ZNF431: variants seen among roughly 807,000 people sequenced by gnomAD.
ZNF431 encodes the protein zinc finger protein 431.
A neutral mutation model predicts 57.0 loss-of-function variants in ZNF431; 34 were observed. The observed-to-expected ratio is 0.60, with a 90% CI of 0.45 to 0.79. The LOEUF (loss-of-function observed/expected upper bound fraction) is 0.79. Among genes scored for constraint, ZNF431 ranks in the 30% least tolerant of loss-of-function variants. The probability of loss-of-function intolerance (pLI) is 0.00; values close to 1 mark genes in which losing one functional copy is unlikely to be tolerated. For synonymous variants in ZNF431, 207 were observed against 220.3 expected (o/e 0.94, Z 0.54); for missense variants, 607 against 667.1 (o/e 0.91, Z 0.99).
At chr19:21,178,913 T>TTTTC (rs1266911898) in intron 4 of ZNF431, among the ~76,000 whole-genome samples, 1 of 152,052 alleles carries the variant, frequency 6.6e-6, no homozygotes, top group African/African-American at 2.4e-5. Flanking sequence ...AGGCCCCTCC[T>TTTTC]TTTCCATCAT....
At chr19:21,172,402 TG>T (rs1970925986) in intron 4 of ZNF431, among the ~76,000 whole-genome samples, 1 of 143,358 alleles carries the variant, frequency 7.0e-6, no homozygotes. Flanking sequence ...CACTCCAGCC[TG>T]GGTGAGAGAG....
intron 4 of ZNF431, among the ~76,000 whole-genome samples, chr19:21,170,710 G>A (rs1970863434): frequency 6.8e-6 from 1 of 147,476 alleles, no homozygotes; most frequent in Non-Finnish European, 1.5e-5. Context: ...GTGTCAATCT[G>A]TCACCCAGGC....
At chr19:21,153,072 C>T (rs1970319656) in intron 2 of ZNF431, among the ~76,000 whole-genome samples, 1 of 152,100 alleles carries the variant, frequency 6.6e-6, no homozygotes, top group Non-Finnish European at 1.5e-5. Flanking sequence ...AATATTTATG[C>T]CTCTCCTTTT....
intron 2 of ZNF431, among the ~76,000 whole-genome samples, chr19:21,146,068 G>T (rs1970084175): frequency 6.6e-6 from 1 of 152,138 alleles, no homozygotes; most frequent in African/African-American, 2.4e-5. Context: ...ATAAGAAAAT[G>T]TGCAGAGTTC....
rs1260546569 is a variant in ZNF431, at chr19:21,186,433, T to G, written c.*2399T>G. 1 of 152,240 alleles carries G rather than the reference T, an allele frequency of 6.6e-6. No homozygotes were observed. The highest frequency in any genetic ancestry group is 1.5e-5 in the Non-Finnish European group (1 of 68,042). The allele number at this position is 152,240 out of a possible 1,614,324, so 9.4% of individuals were successfully genotyped here. ...ACAAATCTTAGGTGTAAGAAAATTA[T>G]GGAGTTAAGTATGTGTGTGTGAGTA... is the stretch of plus-strand genomic sequence containing the variant. On this transcript the variant is annotated 3_prime_UTR_variant, in exon 5 of 5. Transcript: ENST00000311048.
intron 2 of ZNF431, among the ~76,000 whole-genome samples, chr19:21,148,074 G>A (rs1204018621): frequency 6.6e-6 from 1 of 151,676 alleles, no homozygotes; most frequent in Non-Finnish European, 1.5e-5. Context: ...CAGCTCACTG[G>A]AACCTCTGCC....
chr19:21,171,128 A>T (rs1164382599), intron 4 of ZNF431, among the ~76,000 whole-genome samples: 1 of 152,208 alleles, frequency 6.6e-6, no homozygotes, highest in Non-Finnish European at 1.5e-5. Flanking sequence ...CATATATTTA[A>T]AACGTAAAAT....
At position 21,161,854 on chromosome 19, in the gene ZNF431, A is replaced by G. The variant is rs577616960; in HGVS notation, c.97-4481A>G. 5.3e-5 allele frequency among the ~76,000 whole-genome samples: 8 copies of G among 152,176 alleles called. No individual in the cohort carries two copies. In the South Asian group the frequency reaches 1.7e-3, roughly 32 times the overall value. ...TTTTTAGTAGAGAGAAGGTTTCTCCATGTTGGTAAGACTGATCTCGAACTC... is the reference window on the plus strand; with the variant it reads ...TTTTTAGTAGAGAGAAGGTTTCTCCGTGTTGGTAAGACTGATCTCGAACTC... On this transcript the variant is annotated intron_variant, in intron 2 of 4. Transcript: ENST00000311048.
At chr19:21,165,540 A>G (rs2044625075) in intron 2 of ZNF431, among the ~76,000 whole-genome samples, 1 of 152,180 alleles carries the variant, frequency 6.6e-6, no homozygotes. Context: ...CACATCATAG[A>G]AATTTGTTCT....
intron 4 of ZNF431, among the ~76,000 whole-genome samples, chr19:21,176,969 G>A (rs1214657528): frequency 6.7e-6 from 1 of 148,306 alleles, no homozygotes; most frequent in Non-Finnish European, 1.5e-5. Context: ...AAGCACTGTG[G>A]TTACAGGCGT....
intron 1 of ZNF431, among the ~76,000 whole-genome samples, chr19:21,142,623 C>T (rs1031314048): frequency 7.9e-5 from 12 of 152,158 alleles, no homozygotes; most frequent in African/African-American, 2.9e-4. Context: ...ATAATTTAAT[C>T]AAAGAGTGAT....
chr19:21,156,223 C>G (rs1332509244), intron 2 of ZNF431, among the ~76,000 whole-genome samples: 2 of 152,252 alleles, frequency 1.3e-5, no homozygotes, highest in African/African-American at 4.8e-5. Context: ...CCCCACCAAG[C>G]TAGGGTTCTG....
At chr19:21,152,449 G>C (rs1004982972) in intron 2 of ZNF431, among the ~76,000 whole-genome samples, 6 of 152,136 alleles carry the variant, frequency 3.9e-5, no homozygotes, top group African/African-American at 1.2e-4. Flanking sequence ...TCCTGTAGAT[G>C]CCTAATTCTG....
rs1054716082 is a variant in ZNF431 at position 21,193,918 on chromosome 19, A to G, written c.*9884A>G. Reference sequence around the variant, plus strand: ...GCCATCTATGACAAATCCTCAGCTAACATACTGAACAGACAAAAGGGGCAT... The same window carrying G: ...GCCATCTATGACAAATCCTCAGCTAGCATACTGAACAGACAAAAGGGGCAT... On this transcript the variant is annotated 3_prime_UTR_variant, in exon 5 of 5. Transcript: ENST00000311048. 2 of 152,236 alleles carry G rather than the reference A, an allele frequency of 1.3e-5. No individual in the cohort carries two copies. The highest frequency in any genetic ancestry group is 2.4e-5 in the African/African-American group (1 of 41,458). The allele number at this position is 152,236 out of a possible 1,614,324, so 9.4% of individuals were successfully genotyped here. A position where few individuals can be genotyped will look rare whatever the true frequency, so the allele number is the denominator to read the frequency against.
intron 4 of ZNF431, among the ~76,000 whole-genome samples, chr19:21,169,476 G>A (rs898509637): frequency 2.0e-5 from 3 of 152,102 alleles, no homozygotes; most frequent in Non-Finnish European, 4.4e-5. Flanking sequence ...AGGAGGTAAA[G>A]ATCTTTTTCT....
chr19:21,162,816 C>T, intron 2 of ZNF431: 2 of 913,188 alleles, frequency 2.2e-6, no homozygotes, highest in Non-Finnish European at 2.6e-6. Flanking sequence ...GTGTTAAAAC[C>T]AGTGCTTACA....
rs923667811 is a variant in ZNF431, at chr19:21,185,117, T to G, written c.*1083T>G. The G allele has an allele frequency of 1.3e-5, 2 of 152,202 alleles. No individual in the cohort carries two copies. Among genetic ancestry groups the G allele is most frequent in the Non-Finnish European group, 2.9e-5 (2 of 68,036 alleles). 9.4% of individuals were successfully genotyped at this position (152,202 alleles called of 1,614,324 possible). A position where few individuals can be genotyped will look rare whatever the true frequency, so the allele number is the denominator to read the frequency against. On this transcript the variant is annotated 3_prime_UTR_variant, in exon 5 of 5. Transcript: ENST00000311048. ...TAAAAGTAAAATATTTAATCCATAA[T>G]TAAGTCTATGCAAATATCAGAGAAT...
intron 1 of ZNF431, 139 bp from the exon 2 acceptor site, chr19:21,143,412 G>C (rs1969995532): frequency 1.5e-6 from 1 of 654,208 alleles, no homozygotes; most frequent in Non-Finnish European, 2.7e-6. Flanking sequence ...TTTATGGGGT[G>C]ATGTGTCCTC....
chr19:21,183,504 A>C lies in ZNF431; in HGVS notation c.1201A>C (p.Lys401Gln), dbSNP rs1971272778. The stretch of plus-strand genomic sequence containing the variant: ...AATTCATACTGGAGAGAAACCCTAC[A>C]AATGTGAAGTGTGTGGCAAAGCCTT... ...KRIHTGEKPY[K>Q]CEVCGKAFNE... Residue 401 changes from lysine (K) to glutamine (Q), a missense_variant, in exon 5 of 5, where the codon AAA becomes CAA. By Grantham distance (53) the Lys-to-Gln change is moderately conservative. Transcript: ENST00000311048. The C allele has an allele frequency of 6.2e-7, 1 of 1,613,694 alleles. No homozygotes were observed. Among genetic ancestry groups the C allele is most frequent in the Admixed American group, 1.7e-5 (1 of 59,990 alleles).
Sources: gnomAD v4.1 joint callset for allele counts (sites outside exome capture counted in the v4.1 genomes callset) on GRCh38, gnomAD v4.1.1 for gene constraint, MANE v1.5 for transcripts, NCBI Gene and HGNC (gene_info 2026-07-23, HGNC 2026-07-21) for gene names.